The following KAZN variants were observed in gnomAD, a reference collection of about 807,000 sequenced individuals.
KAZN encodes kazrin, periplakin interacting protein, also known as kazrin.
KAZN carries 40 observed loss-of-function variants against 87.4 expected under a neutral mutation model. That is an observed-to-expected ratio of 0.46 (90% CI 0.36 to 0.60). The LOEUF (loss-of-function observed/expected upper bound fraction) is 0.60. Ranked by LOEUF, KAZN falls within the 20% of genes least tolerant of loss-of-function variation. The pLI is 0.00. For missense variants in KAZN, 898 were observed against 1,073.9 expected, an observed-to-expected ratio of 0.84 and a Z score of 2.29; for synonymous variants, 466 against 458.3, an observed-to-expected ratio of 1.02 and a Z score of -0.22.
At chr1:14,473,196 G>A (rs1668543449) in intron 2 of KAZN, among the ~76,000 whole-genome samples, 1 of 152,170 alleles carries the variant, frequency 6.6e-6, no homozygotes, top group Admixed American at 6.5e-5. Context: ...AGGATACTCA[G>A]TTAAATTAGA....
intron 2 of KAZN, among the ~76,000 whole-genome samples, chr1:14,465,391 T>C (rs1208116853): frequency 9.3e-6 from 1 of 108,064 alleles, no homozygotes. Context: ...AGAGCGAGAC[T>C]CTGTCTCAAA....
At chr1:14,742,504 TG>T (rs1644134789) in intron 1 of KAZN, among the ~76,000 whole-genome samples, 1 of 151,816 alleles carries the variant, frequency 6.6e-6, no homozygotes, top group South Asian at 2.1e-4. Flanking sequence ...AATGAGCGAA[TG>T]AAAAAAAAAC....
intron 2 of KAZN, among the ~76,000 whole-genome samples, chr1:14,466,080 C>G (rs1341878182): frequency 6.6e-6 from 1 of 152,154 alleles, no homozygotes; most frequent in Non-Finnish European, 1.5e-5. Flanking sequence ...GAAGCTATAT[C>G]ATTTAGGTTT....
intron 2 of KAZN, among the ~76,000 whole-genome samples, chr1:14,440,596 A>G (rs1309361533): frequency 6.6e-6 from 1 of 152,186 alleles, no homozygotes; most frequent in African/African-American, 2.4e-5. Flanking sequence ...TGACTGATTA[A>G]GTCATGCTTA....
intron 1 of KAZN, among the ~76,000 whole-genome samples, chr1:14,633,985 C>A (rs1679777107): frequency 6.6e-6 from 1 of 151,946 alleles, no homozygotes; most frequent in African/African-American, 2.4e-5. Flanking sequence ...GTTCTGGTGC[C>A]CTGGTGCCTA....
intron 2 of KAZN, among the ~76,000 whole-genome samples, chr1:14,418,816 CAG>C (rs532260111): frequency 4.7e-4 from 72 of 152,314 alleles, no homozygotes; most frequent in Admixed American, 9.1e-4. Context: ...GAGAATCCCT[CAG>C]AGTCTTGTGA....
chr1:14,166,826 A>G (rs1425306518), intron 1 of KAZN, among the ~76,000 whole-genome samples: 2 of 152,244 alleles, frequency 1.3e-5, no homozygotes, highest in Non-Finnish European at 2.9e-5. Flanking sequence ...TACTTGGAAC[A>G]TAATCACTTT....
intron 1 of KAZN, among the ~76,000 whole-genome samples, chr1:14,745,698 T>C (rs944726892): frequency 6.6e-6 from 1 of 152,068 alleles, no homozygotes; most frequent in Non-Finnish European, 1.5e-5. Flanking sequence ...GGGGAAGAGA[T>C]CTTAATCATC....
intron 2 of KAZN, among the ~76,000 whole-genome samples, chr1:14,301,893 G>C (rs192598349): frequency 1.3e-5 from 2 of 151,928 alleles, no homozygotes; most frequent in Non-Finnish European, 2.9e-5. Flanking sequence ...CCCCTGCATC[G>C]CTTCCTTCCT....
At chr1:13,929,914 G>A (rs1640442794) in intron 1 of KAZN, among the ~76,000 whole-genome samples, 2 of 152,204 alleles carry the variant, frequency 1.3e-5, no homozygotes, top group Admixed American at 6.5e-5. Context: ...GATAGGTGGG[G>A]AGGCTGAGGC....
intron 1 of KAZN, among the ~76,000 whole-genome samples, chr1:14,953,750 C>A (rs981546397): frequency 1.3e-5 from 2 of 152,074 alleles, no homozygotes; most frequent in Admixed American, 1.3e-4. Flanking sequence ...TCTGAGAGGT[C>A]GCCTTCTGTT....
chr1:14,382,184 A>T (rs1661422038), intron 2 of KAZN, among the ~76,000 whole-genome samples: 1 of 152,200 alleles, frequency 6.6e-6, no homozygotes, highest in South Asian at 2.1e-4. Flanking sequence ...AAAAAAAGAT[A>T]TTCCATTTTC....
rs549380321 is a variant in KAZN at position 14,804,192 on chromosome 1, AG to A, written c.227-156488del. ...TTGGCTCCTGGCAATTCTGTTGGGC[AG>A]GGGTCTTTATTGCAAGGAAGAGAGG... On this transcript the variant is annotated intron_variant, in intron 1 of 14. Coordinates refer to ENST00000376030, the MANE Select transcript of KAZN (RefSeq NM_201628.3). Among the ~76,000 whole-genome samples, 8 of 152,290 alleles carry A rather than the reference AG, an allele frequency of 5.3e-5. No individual in the cohort carries two copies. The South Asian group carries it at 1.7e-3, about 32-fold the overall frequency.
chr1:14,074,853 T>C (rs979502894), intron 1 of KAZN, among the ~76,000 whole-genome samples: 7 of 152,324 alleles, frequency 4.6e-5, no homozygotes, highest in African/African-American at 1.4e-4. Flanking sequence ...TCTCTGGGCC[T>C]CGATTTTATC....
chr1:14,937,648 C>T (rs1184856871), intron 1 of KAZN, among the ~76,000 whole-genome samples: 2 of 152,206 alleles, frequency 1.3e-5, no homozygotes, highest in Admixed American at 1.3e-4. Context: ...TGCATAAGCA[C>T]TTGCTGTCAC....
chr1:15,094,460 C>A lies in KAZN; in HGVS notation c.1428+75C>A. The A allele has an allele frequency of 1.5e-6, 2 of 1,344,130 alleles. No individual in the cohort carries two copies. The highest frequency in any genetic ancestry group is 1.4e-5 in the African/African-American group (1 of 69,652). The allele number at this position is 1,344,130 out of a possible 1,614,324, so 83.3% of individuals were successfully genotyped here. A position where few individuals can be genotyped will look rare whatever the true frequency, so the allele number is the denominator to read the frequency against. ...CTTTACGTACCCAGAAGCTGGCCTG[C>A]CCCCCACTCCTACCCTGGAGTCAGG... is the stretch of plus-strand genomic sequence containing the variant. On this transcript the variant is annotated intron_variant, in intron 9 of 14. Coordinates refer to ENST00000376030, the MANE Select transcript of KAZN (RefSeq NM_201628.3). This position sits in a 1 kb window ranked among gnomAD's most constrained non-coding sequence, Gnocchi z 4.5.
intron 1 of KAZN, among the ~76,000 whole-genome samples, chr1:14,768,121 C>T (rs1460889862): frequency 3.3e-5 from 5 of 152,130 alleles, no homozygotes; most frequent in Admixed American, 6.5e-5. Flanking sequence ...ACTCTCACTA[C>T]GGTATGAATT....
chr1:14,078,179 G>T (rs1643534486), intron 1 of KAZN, among the ~76,000 whole-genome samples: 1 of 152,160 alleles, frequency 6.6e-6, no homozygotes, highest in African/African-American at 2.4e-5. Context: ...AGGACACATG[G>T]CTGGCACTGA....
intron 1 of KAZN, among the ~76,000 whole-genome samples, chr1:14,838,465 C>T (rs1030169900): frequency 6.6e-6 from 1 of 152,140 alleles, no homozygotes; most frequent in Non-Finnish European, 1.5e-5. Context: ...AAGAAAGAGC[C>T]CCCCACCTGG....
Sources: allele counts gnomAD v4.1 joint callset (sites outside exome capture counted in the v4.1 genomes callset), GRCh38; gene constraint gnomAD v4.1.1; non-coding constraint Gnocchi (gnomAD v3.1); transcripts MANE v1.5; gene names NCBI Gene and HGNC (gene_info 2026-07-23, HGNC 2026-07-21).